Variants in CNTN4 observed in about 807,000 individuals in gnomAD.
CNTN4 encodes contactin 4.
CNTN4 carries 77 observed loss-of-function variants against 122.5 expected under a neutral mutation model. That is an observed-to-expected ratio of 0.63 (90% confidence interval 0.52 to 0.76). CNTN4 has a LOEUF of 0.76. Among genes scored for constraint, CNTN4 ranks in the 30% least tolerant of loss-of-function variants. The pLI is 0.00. For missense variants in CNTN4, 1,256 were observed against 1,259.1 expected (o/e 1.00, Z 0.04); for synonymous variants, 512 against 447.0 (o/e 1.15, Z -1.83).
chr3:2,382,163 C>G (rs952578921), intron 3 of CNTN4, among the ~76,000 whole-genome samples: 5 of 150,132 alleles, frequency 3.3e-5, no homozygotes, highest in African/African-American at 1.2e-4. Flanking sequence ...CATTTTCTTC[C>G]TATCGTGATT....
intron 3 of CNTN4, among the ~76,000 whole-genome samples, chr3:2,482,681 G>C (rs1040771439): frequency 6.6e-6 from 1 of 152,176 alleles, no homozygotes; most frequent in African/African-American, 2.4e-5. Context: ...AGCCACTCCG[G>C]CCGTGGCTAA....
chr3:2,336,015 C>T (rs1205670763), intron 2 of CNTN4, among the ~76,000 whole-genome samples: 1 of 152,052 alleles, frequency 6.6e-6, no homozygotes, highest in African/African-American at 2.4e-5. Context: ...ACATACTTTC[C>T]CACAGTAAAA....
chr3:2,474,468 A>G (rs898474568), intron 3 of CNTN4, among the ~76,000 whole-genome samples: 1 of 152,248 alleles, frequency 6.6e-6, no homozygotes, highest in African/African-American at 2.4e-5. Flanking sequence ...CTTTCATTAT[A>G]AAACTAGAAA....
In CNTN4 at chr3:2,239,996, C is replaced by T. The variant is rs1054090516; in HGVS notation, c.-144-99182C>T. Among the ~76,000 whole-genome samples, 20 of 152,306 alleles carry T rather than the reference C, an allele frequency of 1.3e-4. No homozygotes were observed. The Middle Eastern group carries it at 0.01, about 78-fold the overall frequency. On this transcript the variant is annotated intron_variant, in intron 2 of 24. Coordinates refer to ENST00000418658, the MANE Select transcript of CNTN4 (RefSeq NM_175607.3). ...GATTTCTCTCTTCCTGCATAGGTTGCAGACTGAAGAGCATTAAAATATCTG... is the reference window on the plus strand; with the variant it reads ...GATTTCTCTCTTCCTGCATAGGTTGTAGACTGAAGAGCATTAAAATATCTG...
chr3:2,116,535 G>A (rs1327016308), intron 2 of CNTN4, among the ~76,000 whole-genome samples: 1 of 152,200 alleles, frequency 6.6e-6, no homozygotes, highest in Non-Finnish European at 1.5e-5. Flanking sequence ...GGCTCCCCAT[G>A]TGATTCTGAT....
intron 3 of CNTN4, among the ~76,000 whole-genome samples, chr3:2,348,584 C>T (rs1237485660): frequency 7.2e-5 from 11 of 152,140 alleles, no homozygotes; most frequent in Non-Finnish European, 1.6e-4. Context: ...CATTTCCTTT[C>T]CTTAAACTTG....
chr3:3,029,104 T>C (rs961837615), intron 15 of CNTN4, among the ~76,000 whole-genome samples: 1 of 152,200 alleles, frequency 6.6e-6, no homozygotes, highest in Non-Finnish European at 1.5e-5. Flanking sequence ...AACAATTATT[T>C]TCCCATTTTA....
chr3:2,891,650 A>G (rs963874743), intron 10 of CNTN4, among the ~76,000 whole-genome samples: 9 of 152,160 alleles, frequency 5.9e-5, no homozygotes, highest in African/African-American at 1.9e-4. Flanking sequence ...TGAGGCAGAA[A>G]ACTACTTGAC....
At chr3:2,431,028 A>G (rs1214285582) in intron 3 of CNTN4, among the ~76,000 whole-genome samples, 3 of 152,244 alleles carry the variant, frequency 2.0e-5, no homozygotes, top group African/African-American at 7.2e-5. Flanking sequence ...TCAAGAAAAA[A>G]AAATATTCAC....
chr3:2,273,650 T>C (rs909933763), intron 2 of CNTN4, among the ~76,000 whole-genome samples: 1 of 152,182 alleles, frequency 6.6e-6, no homozygotes, highest in African/African-American at 2.4e-5. Context: ...GCCTGCCTAG[T>C]AAAGGAAATC....
At chr3:2,664,937 T>A (rs185469266) in intron 4 of CNTN4, among the ~76,000 whole-genome samples, 1 of 152,316 alleles carries the variant, frequency 6.6e-6, no homozygotes, top group East Asian at 1.9e-4. Context: ...ATTGTCTTTT[T>A]AATCTGTATG....
intron 13 of CNTN4, among the ~76,000 whole-genome samples, chr3:2,981,314 G>C (rs1350399254): frequency 6.6e-6 from 1 of 150,682 alleles, no homozygotes; most frequent in Non-Finnish European, 1.5e-5. Flanking sequence ...CGTGGTGGCG[G>C]GCGCCTGTAG....
At chr3:2,696,531 C>T (rs2086044302) in intron 4 of CNTN4, among the ~76,000 whole-genome samples, 1 of 152,192 alleles carries the variant, frequency 6.6e-6, no homozygotes, top group South Asian at 2.1e-4. Context: ...ATCTTGGAAG[C>T]AGAGCAAGGC....
intron 7 of CNTN4, among the ~76,000 whole-genome samples, chr3:2,855,583 A>AG (rs2093609395): frequency 6.6e-6 from 1 of 152,208 alleles, no homozygotes. Flanking sequence ...GATCCAGTTT[A>AG]ACTTTCCTTG....
At chr3:2,283,506 A>C (rs2041798769) in intron 2 of CNTN4, among the ~76,000 whole-genome samples, 1 of 152,160 alleles carries the variant, frequency 6.6e-6, no homozygotes, top group Non-Finnish European at 1.5e-5. Context: ...AAAGCAGTAC[A>C]TGCCATATAA....
intron 3 of CNTN4, among the ~76,000 whole-genome samples, chr3:2,389,936 TGAG>T (rs1339552705): frequency 6.6e-6 from 1 of 152,148 alleles, no homozygotes; most frequent in Non-Finnish European, 1.5e-5. Flanking sequence ...AGATAAAGCT[TGAG>T]GAACTGTTCA....
intron 3 of CNTN4, among the ~76,000 whole-genome samples, chr3:2,435,163 C>T (rs1200768974): frequency 6.6e-6 from 1 of 152,018 alleles, no homozygotes; most frequent in African/African-American, 2.4e-5. Context: ...TTAATTCTAC[C>T]AATTAATTAC....
At chr3:2,528,740 A>G (rs1374502729) in intron 3 of CNTN4, among the ~76,000 whole-genome samples, 1 of 152,054 alleles carries the variant, frequency 6.6e-6, no homozygotes, top group Non-Finnish European at 1.5e-5. Context: ...ATTAGCCTTT[A>G]AAAAACTCTT....
In CNTN4 at chr3:2,660,735, C is replaced by G. The variant is rs374878128; in HGVS notation, c.56-75480C>G. ...GACTTTGGTTACCTACTCTTTGCAT[C>G]CTCAAAACGGGAACACACAGGAATG... On this transcript the variant is annotated intron_variant, in intron 4 of 24. Transcript: ENST00000418658. Among the ~76,000 whole-genome samples, 7 of 152,308 alleles carry G rather than the reference C, an allele frequency of 4.6e-5. No homozygotes were observed. In the East Asian group the frequency reaches 1.2e-3, roughly 25 times the overall value.
Sources: allele counts gnomAD v4.1 joint callset (sites outside exome capture counted in the v4.1 genomes callset), GRCh38; gene constraint gnomAD v4.1.1; transcripts MANE v1.5; gene names NCBI Gene and HGNC (gene_info 2026-07-23, HGNC 2026-07-21).